Variants in SDK2 observed in about 807,000 individuals in gnomAD.
SDK2 encodes sidekick cell adhesion molecule 2.
Under a neutral mutation model 253.9 loss-of-function variants are expected in SDK2, and 105 were observed. That is an observed-to-expected ratio of 0.41 (90% CI 0.35 to 0.49). The LOEUF is 0.49. SDK2 is among the 20% of genes least tolerant of loss of function. SDK2 has a pLI of 0.06. For synonymous variants in SDK2, 1,249 were observed against 1,234.9 expected (o/e 1.01, Z -0.24); for missense variants, 2,608 against 3,003.0 (o/e 0.87, Z 3.07).
chr17:73,563,811 C>T (rs1473674083), intron 1 of SDK2, among the ~76,000 whole-genome samples: 1 of 151,474 alleles, frequency 6.6e-6, no homozygotes, highest in Non-Finnish European at 1.5e-5. Flanking sequence ...CTCCCTCTGT[C>T]ATCCAGGCTG....
At chr17:73,519,203 G>T (rs2064056132) in intron 1 of SDK2, 1 of 152,280 alleles carries the variant, frequency 6.6e-6, no homozygotes, top group African/African-American at 2.4e-5. Context: ...CGTGAGGAAG[G>T]ACCAGCACCC....
intron 1 of SDK2, among the ~76,000 whole-genome samples, chr17:73,525,976 C>A (rs1400015440): frequency 3.9e-5 from 6 of 152,228 alleles, no homozygotes; most frequent in Admixed American, 1.3e-4. Context: ...CCCAGGCTCA[C>A]AGGGGAGATG....
chr17:73,457,022 GC>G (rs1159895291), intron 3 of SDK2, among the ~76,000 whole-genome samples: 1 of 152,220 alleles, frequency 6.6e-6, no homozygotes, highest in Non-Finnish European at 1.5e-5. Context: ...TGGATCAGAA[GC>G]AGCATTTTAG....
At chr17:73,495,650 T>TTGTGTA (rs1340060387) in intron 2 of SDK2, among the ~76,000 whole-genome samples, 2 of 123,680 alleles carry the variant, frequency 1.6e-5, no homozygotes, top group Non-Finnish European at 3.6e-5. Flanking sequence ...GTGTGTTTGT[T>TTGTGTA]TGTGTATGTG....
chr17:73,408,337 C>T (rs1302433715), intron 18 of SDK2, among the ~76,000 whole-genome samples: 3 of 151,594 alleles, frequency 2.0e-5, no homozygotes, highest in African/African-American at 4.8e-5. Flanking sequence ...CCTGCCTCAG[C>T]CTCCCGAGTA....
chr17:73,584,540 GC>G (rs2045579157), intron 1 of SDK2, among the ~76,000 whole-genome samples: 1 of 152,216 alleles, frequency 6.6e-6, no homozygotes, highest in Admixed American at 6.5e-5. Flanking sequence ...ACTGTAGGAG[GC>G]TTTGGAGAGA....
chr17:73,628,090 C>T (rs1012846038), intron 1 of SDK2, among the ~76,000 whole-genome samples: 8 of 152,238 alleles, frequency 5.3e-5, no homozygotes, highest in Non-Finnish European at 8.8e-5. Flanking sequence ...AAAAACACCA[C>T]ATTTAACAGA....
intron 1 of SDK2, among the ~76,000 whole-genome samples, chr17:73,571,158 T>C (rs950556578): frequency 6.6e-6 from 1 of 151,546 alleles, no homozygotes; most frequent in African/African-American, 2.4e-5. Context: ...AATCTCCGCC[T>C]CCCAGGTTCA....
chr17:73,346,479 T>TA (rs2145383900), intron 44 of SDK2, among the ~76,000 whole-genome samples: 1 of 152,224 alleles, frequency 6.6e-6, no homozygotes, highest in East Asian at 1.9e-4. Flanking sequence ...GCTGCAGTGT[T>TA]AAAGTTCCAT....
Position 73,629,264 on chromosome 17 carries a change from A to G in SDK2, c.64+14761T>C, listed in dbSNP as rs570485789. Among the ~76,000 whole-genome samples, 70 of 152,298 alleles carry G rather than the reference A, an allele frequency of 4.6e-4. No homozygotes were observed. The highest frequency in any genetic ancestry group is 8.1e-4 in the Non-Finnish European group (55 of 68,032). On this transcript the variant is annotated intron_variant, in intron 1 of 44. Coordinates refer to ENST00000392650, the MANE Select transcript of SDK2 (RefSeq NM_001144952.2). The surrounding 1 kb of genome is among the most constrained non-coding windows in gnomAD (Gnocchi z 5.0). Reference sequence around the variant, plus strand: ...GGGAGGCTCCAGAATCTGGAGCCCAAGGAGGGTGCTGGGAAGAAAGACCAC... The same window carrying G: ...GGGAGGCTCCAGAATCTGGAGCCCAGGGAGGGTGCTGGGAAGAAAGACCAC...
chr17:73,406,502 G>A (rs1051813277), intron 18 of SDK2, among the ~76,000 whole-genome samples: 1 of 151,694 alleles, frequency 6.6e-6, no homozygotes, highest in South Asian at 2.1e-4. Flanking sequence ...TGCCCGCCTC[G>A]GCCTTCCAAA....
intron 1 of SDK2, chr17:73,518,384 GA>G (rs1053878343): frequency 6.6e-6 from 1 of 152,068 alleles, no homozygotes; most frequent in Admixed American, 6.6e-5. Flanking sequence ...TTGGCCTATG[GA>G]AAGGGGTAAG....
At chr17:73,554,635 C>T (rs1897930784) in intron 1 of SDK2, among the ~76,000 whole-genome samples, 1 of 152,202 alleles carries the variant, frequency 6.6e-6, no homozygotes, top group Admixed American at 6.5e-5. Flanking sequence ...ATCATTTCAG[C>T]CAGCTAGTCT....
At chr17:73,559,052 T>C (rs1283073984) in intron 1 of SDK2, among the ~76,000 whole-genome samples, 1 of 152,186 alleles carries the variant, frequency 6.6e-6, no homozygotes, top group African/African-American at 2.4e-5. Context: ...AAGGAAAGAA[T>C]GCACCATCTC....
chr17:73,452,706 A>G (rs2063497788), intron 4 of SDK2, among the ~76,000 whole-genome samples: 1 of 152,234 alleles, frequency 6.6e-6, no homozygotes, highest in African/African-American at 2.4e-5. Flanking sequence ...TTGCTAATCA[A>G]TCATGATATT....
intron 36 of SDK2, chr17:73,369,302 A>T: frequency 3.0e-6 from 1 of 329,368 alleles, no homozygotes; most frequent in Non-Finnish European, 6.6e-6. Context: ...GCCTCATGTC[A>T]CCTGGGAGCT....
At chr17:73,535,133 C>T (rs1465271661) in intron 1 of SDK2, among the ~76,000 whole-genome samples, 2 of 152,216 alleles carry the variant, frequency 1.3e-5, no homozygotes, top group Non-Finnish European at 2.9e-5. Flanking sequence ...CAAAGGTGGC[C>T]TCGACGCCAA....
intron 1 of SDK2, among the ~76,000 whole-genome samples, chr17:73,598,541 C>A (rs2045791974): frequency 6.6e-6 from 1 of 152,236 alleles, no homozygotes; most frequent in African/African-American, 2.4e-5. Context: ...TGCAGCTCTG[C>A]TCTTTATAGA....
intron 44 of SDK2, among the ~76,000 whole-genome samples, chr17:73,340,741 T>G (rs1049010863): frequency 2.4e-5 from 3 of 126,978 alleles, no homozygotes; most frequent in Admixed American, 8.2e-5. Context: ...AAAGTTTTTT[T>G]TTTTTTTTTT....
Sources: gnomAD v4.1 joint callset for allele counts (sites outside exome capture counted in the v4.1 genomes callset) on GRCh38, gnomAD v4.1.1 for gene constraint, Gnocchi (gnomAD v3.1) non-coding constraint, MANE v1.5 for transcripts, NCBI Gene and HGNC (gene_info 2026-07-23, HGNC 2026-07-21) for gene names.